Variants in NAV3 observed in about 807,000 individuals in gnomAD.
NAV3 encodes the protein pore membrane and/or filament interacting like protein 1.
Under a neutral mutation model 244.7 loss-of-function variants are expected in NAV3, and 87 were observed. The ratio of observed to expected loss-of-function variants is 0.36; its 90% confidence interval spans 0.30 to 0.42. The LOEUF (loss-of-function observed/expected upper bound fraction) is 0.42, where lower values mean the gene tolerates loss of function less well. Ranked by LOEUF, NAV3 falls within the 20% of genes least tolerant of loss-of-function variation. NAV3 has a pLI of 1.00. For synonymous variants in NAV3, 1,126 were observed against 1,042.2 expected, an observed-to-expected ratio of 1.08 and a Z score of -1.55; for missense variants, 2,663 against 2,893.3, an observed-to-expected ratio of 0.92 and a Z score of 1.83.
intron 20 of NAV3, among the ~76,000 whole-genome samples, chr12:78,142,343 C>A (rs981794750): frequency 1.3e-5 from 2 of 151,910 alleles, no homozygotes; most frequent in Non-Finnish European, 2.9e-5. Flanking sequence ...GTCCAGTAGA[C>A]CTTTCTGTGT....
chr12:78,140,784 A>T, intron 20 of NAV3, among the ~76,000 whole-genome samples: 1 of 151,638 alleles, frequency 6.6e-6, no homozygotes, highest in East Asian at 1.9e-4. Flanking sequence ...GGGTAAAAGC[A>T]GTAAGGGTAA....
intron 2 of NAV3, among the ~76,000 whole-genome samples, chr12:77,718,971 T>C (rs1015682894): frequency 6.6e-6 from 1 of 152,184 alleles, no homozygotes; most frequent in Admixed American, 6.6e-5. Flanking sequence ...TCTTTCCACT[T>C]ATTTATTCCT....
chr12:78,105,169 A>G (rs1199531082), intron 12 of NAV3, among the ~76,000 whole-genome samples: 2 of 152,162 alleles, frequency 1.3e-5, no homozygotes, highest in African/African-American at 2.4e-5. Flanking sequence ...ATGATAATAC[A>G]TAAAATATTC....
At chr12:77,719,391 A>G (rs913259449) in intron 2 of NAV3, among the ~76,000 whole-genome samples, 2 of 150,890 alleles carry the variant, frequency 1.3e-5, no homozygotes, top group African/African-American at 4.9e-5. Context: ...TTCTAAGGCA[A>G]ATCTTTCAGA....
chr12:77,903,768 A>T lies in NAV3; in HGVS notation c.244-36551A>T, dbSNP rs556819873. ...CATCTGACAAAGGGCTAATATCTAG[A>T]ATCTACAATAAACTCAAACAAATTT... is the stretch of plus-strand genomic sequence containing the variant. On this transcript the variant is annotated intron_variant, in intron 1 of 39. Coordinates refer to ENST00000397909, the MANE Select transcript of NAV3 (RefSeq NM_001024383.2). Among the ~76,000 whole-genome samples, 5 of 152,348 alleles carry T rather than the reference A, an allele frequency of 3.3e-5. No individual in the cohort carries two copies. In the East Asian group the frequency reaches 7.7e-4, roughly 23 times the overall value.
In NAV3 at chr12:77,812,454, AG is replaced by A. The variant is rs375457242; in HGVS notation, c.73-127863del. Among the ~76,000 whole-genome samples the A allele has an allele frequency of 5.5e-4, 84 of 151,814 alleles. 3 individuals carry two copies. In the East Asian group the frequency reaches 0.015, roughly 27 times the overall value. On this transcript the variant is annotated intron_variant, in intron 2 of 8. Transcript: ENST00000550042. ...TTGAGACAGTCTCACTCTGTTGCCC[AG>A]GCTGGAGTGCAGTGTGGCACTATCT...
At chr12:77,578,338 A>C (rs1044542308) in intron 2 of NAV3, among the ~76,000 whole-genome samples, 1 of 151,932 alleles carries the variant, frequency 6.6e-6, no homozygotes, top group African/African-American at 2.4e-5. Flanking sequence ...CCCTACAGAC[A>C]GTTTCTGAGA....
At chr12:77,609,135 T>C (rs74577163) in intron 2 of NAV3, among the ~76,000 whole-genome samples, 2,773 of 152,188 alleles carry the variant, frequency 0.018, 40 homozygotes, top group Middle Eastern at 0.075. Flanking sequence ...TGGTAATCCT[T>C]TGAGTTTCAC....
intron 11 of NAV3, among the ~76,000 whole-genome samples, chr12:78,051,774 G>A (rs2137277651): frequency 6.6e-6 from 1 of 152,264 alleles, no homozygotes; most frequent in Non-Finnish European, 1.5e-5. Flanking sequence ...CAGAGAATAG[G>A]TCCAAAAGGA....
intron 1 of NAV3, among the ~76,000 whole-genome samples, chr12:77,919,938 C>T (rs1464586185): frequency 6.6e-6 from 1 of 151,908 alleles, no homozygotes; most frequent in Non-Finnish European, 1.5e-5. Context: ...ATGATTTCTC[C>T]AGAAGACTGA....
intron 28 of NAV3, among the ~76,000 whole-genome samples, chr12:78,178,040 T>C (rs1328276121): frequency 6.6e-6 from 1 of 151,894 alleles, no homozygotes; most frequent in South Asian, 2.1e-4. Context: ...TACCTACATA[T>C]GATAAAATTT....
At chr12:77,920,527 C>T (rs979943066) in intron 1 of NAV3, among the ~76,000 whole-genome samples, 2 of 151,922 alleles carry the variant, frequency 1.3e-5, no homozygotes, top group African/African-American at 4.8e-5. Context: ...CCCTTCATGA[C>T]AATTTTCTGG....
chr12:77,819,859 G>A (rs549651128), intron 2 of NAV3, among the ~76,000 whole-genome samples: 2 of 152,254 alleles, frequency 1.3e-5, no homozygotes, highest in African/African-American at 4.8e-5. Context: ...GGCAACATAT[G>A]TGTGGTTCGT....
At chr12:78,074,269 CAG>C (rs1161968070) in intron 12 of NAV3, among the ~76,000 whole-genome samples, 1 of 152,210 alleles carries the variant, frequency 6.6e-6, no homozygotes, top group Non-Finnish European at 1.5e-5. Context: ...AAAAGACACA[CAG>C]AGTCTTCAAA....
At chr12:78,199,199 G>T in intron 36 of NAV3, 136 bp from the exon 37 acceptor site, 1 of 736,988 alleles carries the variant, frequency 1.4e-6, no homozygotes, top group Non-Finnish European at 2.2e-6. Context: ...TGAAAAGGTG[G>T]CCACCAATTG....
At chr12:78,099,243 T>A (rs1008364503) in intron 12 of NAV3, among the ~76,000 whole-genome samples, 7 of 151,508 alleles carry the variant, frequency 4.6e-5, no homozygotes, top group African/African-American at 1.7e-4. Context: ...CCATATGATA[T>A]AATTATATCA....
At chr12:77,665,007 G>T (rs934412798) in intron 2 of NAV3, among the ~76,000 whole-genome samples, 1 of 152,134 alleles carries the variant, frequency 6.6e-6, no homozygotes, top group East Asian at 1.9e-4. Flanking sequence ...AGCTGGGACT[G>T]CAGGTGCACA....
At position 77,660,271 on chromosome 12, in the gene NAV3, G is replaced by T. The variant is rs75375080; in HGVS notation, c.72+88005G>T. On this transcript the variant is annotated intron_variant, in intron 2 of 8. Transcript: ENST00000550042. ...AGTTTAAATATATGGTTTGTTAAAT[G>T]GAACACAAAAATTTTACCAAGCAGG... Among the ~76,000 whole-genome samples, 1,121 of 152,192 alleles carry T rather than the reference G, an allele frequency of 7.4e-3. 20 individuals are homozygous for T. The highest frequency in any genetic ancestry group is 0.026 in the African/African-American group (1,069 of 41,522).
Position 77,714,898 on chromosome 12 carries a change from A to G in NAV3, c.72+142632A>G, listed in dbSNP as rs371050130. On this transcript the variant is annotated intron_variant, in intron 2 of 8. Transcript: ENST00000550042. Reference sequence around the variant, plus strand: ...TAAAGAGTTAAACATTTAAAAATACATAACATAATTTTTAGATTCACGAAG... The same window carrying G: ...TAAAGAGTTAAACATTTAAAAATACGTAACATAATTTTTAGATTCACGAAG... 7.9e-5 allele frequency among the ~76,000 whole-genome samples: 12 copies of G among 152,262 alleles called. No homozygotes were observed. The South Asian group carries it at 1.0e-3, about 13-fold the overall frequency.
Sources: allele counts gnomAD v4.1 joint callset (sites outside exome capture counted in the v4.1 genomes callset), GRCh38; gene constraint gnomAD v4.1.1; transcripts MANE v1.5; gene names NCBI Gene and HGNC (gene_info 2026-07-23, HGNC 2026-07-21).